SSBP3: variants seen among roughly 807,000 people sequenced by gnomAD.
SSBP3 encodes single-stranded DNA-binding protein 3.
SSBP3 carries 5 observed loss-of-function variants against 69.6 expected under a neutral mutation model. The ratio of observed to expected loss-of-function variants is 0.07; its 90% CI spans 0.04 to 0.15. The LOEUF is 0.15. SSBP3 is among the 10% of genes least tolerant of loss of function. The pLI is 1.00. For missense variants in SSBP3, 312 were observed against 534.0 expected (o/e 0.58, Z 4.10); for synonymous variants, 196 against 193.4 (o/e 1.01, Z -0.11).
At chr1:54,302,828 T>C (rs1292256629) in intron 4 of SSBP3, among the ~76,000 whole-genome samples, 1 of 152,206 alleles carries the variant, frequency 6.6e-6, no homozygotes, top group East Asian at 1.9e-4. Context: ...ATGACTTGTT[T>C]GCAGCTGCAG....
chr1:54,308,629 G>A (rs1205259216), intron 4 of SSBP3, among the ~76,000 whole-genome samples: 1 of 150,724 alleles, frequency 6.6e-6, no homozygotes, highest in Non-Finnish European at 1.5e-5. Flanking sequence ...TTAGCCGGGC[G>A]TGGTGGCGCA....
intron 4 of SSBP3, among the ~76,000 whole-genome samples, chr1:54,302,422 C>G (rs1645819673): frequency 1.3e-5 from 2 of 152,030 alleles, no homozygotes; most frequent in South Asian, 4.2e-4. Context: ...AGTGATTCTC[C>G]TGCCTCAGCC....
Position 54,404,552 on chromosome 1 carries a change from T to G in SSBP3, c.191+24A>C, listed in dbSNP as rs189916150. ...GGGCTCACAACAAAACAAACACACA[T>G]GCAAAACTATCACACAAACTTACCA... is the stretch of plus-strand genomic sequence containing the variant. On this transcript the variant is annotated intron_variant, in intron 3 of 17. Coordinates refer to ENST00000610401, the Ensembl canonical transcript of SSBP3. The G allele has an allele frequency of 2.2e-3, 3,583 of 1,611,902 alleles. 10 individuals carry two copies. Among genetic ancestry groups the G allele is most frequent in the Admixed American group, 3.7e-3 (220 of 59,994 alleles).
At position 54,398,428 on chromosome 1, in the gene SSBP3, A is replaced by G. The variant is rs75403275; in HGVS notation, c.276+3433T>C. On this transcript the variant is annotated intron_variant, in intron 4 of 17. Coordinates refer to ENST00000610401, the Ensembl canonical transcript of SSBP3. ...AAACACAAAATTAGCTACCACATGG[A>G]GAAAAAGGATTGCTTGTTGTTTGAG... Among the ~76,000 whole-genome samples, 32 of 152,316 alleles carry G rather than the reference A, an allele frequency of 2.1e-4. No individual in the cohort carries two copies. The East Asian group carries it at 4.4e-3, about 21-fold the overall frequency.
chr1:54,295,037 A>G (rs901642930), intron 4 of SSBP3, among the ~76,000 whole-genome samples: 3 of 152,140 alleles, frequency 2.0e-5, no homozygotes, highest in Non-Finnish European at 4.4e-5. Context: ...TTGCAATCAG[A>G]GACAAACCAC....
intron 4 of SSBP3, among the ~76,000 whole-genome samples, chr1:54,399,593 C>T (rs780593127): frequency 6.6e-6 from 1 of 152,092 alleles, no homozygotes; most frequent in Non-Finnish European, 1.5e-5. Flanking sequence ...CTCATAAGTC[C>T]TCCAAGAAGG....
intron 9 of SSBP3, among the ~76,000 whole-genome samples, chr1:54,249,501 T>C (rs1644789887): frequency 6.6e-6 from 1 of 151,828 alleles, no homozygotes; most frequent in Non-Finnish European, 1.5e-5. Context: ...TCAAGACCAG[T>C]CTGGGCAACA....
At position 54,311,574 on chromosome 1, in the gene SSBP3, T is replaced by C. The variant is rs1047634034; in HGVS notation, c.277-30047A>G. ...AACCCTGCCTACCTCATGGGGCCCA[T>C]TGAGAGCATGTGAGCCAGCCCCACA... is the stretch of plus-strand genomic sequence containing the variant. On this transcript the variant is annotated intron_variant, in intron 4 of 17. Coordinates refer to ENST00000610401, the Ensembl canonical transcript of SSBP3. 7.2e-5 allele frequency among the ~76,000 whole-genome samples: 11 copies of C among 152,050 alleles called. No individual in the cohort carries two copies. In the South Asian group the frequency reaches 1.9e-3, roughly 26 times the overall value.
intron 4 of SSBP3, among the ~76,000 whole-genome samples, chr1:54,326,921 C>T (rs1040343131): frequency 6.6e-6 from 1 of 151,886 alleles, no homozygotes; most frequent in South Asian, 2.1e-4. Context: ...GTTGGTCCTC[C>T]TGTTTGGTTT....
At chr1:54,362,545 G>A (rs937721075) in intron 4 of SSBP3, among the ~76,000 whole-genome samples, 4 of 152,196 alleles carry the variant, frequency 2.6e-5, no homozygotes, top group Non-Finnish European at 5.9e-5. Flanking sequence ...CCCAGAAGGC[G>A]GAAGCCTCTA....
chr1:54,250,360 G>C lies in SSBP3; in HGVS notation c.651+1256C>G, dbSNP rs547767264. Among the ~76,000 whole-genome samples, 8 of 152,310 alleles carry C rather than the reference G, an allele frequency of 5.3e-5. No homozygotes were observed. The South Asian group carries it at 1.7e-3, about 32-fold the overall frequency. ...AACCACCACAGAGAAGAAAGCGGTGGCTTGGGCTTGCTGTAAATACAATTC... is the reference window on the plus strand; with the variant it reads ...AACCACCACAGAGAAGAAAGCGGTGCCTTGGGCTTGCTGTAAATACAATTC... On this transcript the variant is annotated intron_variant, in intron 9 of 17. Coordinates refer to ENST00000610401, the Ensembl canonical transcript of SSBP3.
In SSBP3 at chr1:54,258,336, G is replaced by A. The variant is rs956816065; in HGVS notation, c.367-187C>T. Among the ~76,000 whole-genome samples the A allele has an allele frequency of 2.0e-5, 3 of 152,216 alleles. No individual in the cohort carries two copies. Among genetic ancestry groups the A allele is most frequent in the Non-Finnish European group, 2.9e-5 (2 of 68,040 alleles). On this transcript the variant is annotated intron_variant, in intron 5 of 17. Coordinates refer to ENST00000610401, the Ensembl canonical transcript of SSBP3. This position sits in a 1 kb window ranked among gnomAD's most constrained non-coding sequence, Gnocchi z 4.5. ...CGCCGGCTCAACGGTGTAAAACGGC[G>A]AGCGGGAGCGAGAGAAGCTGATAAA...
intron 5 of SSBP3, among the ~76,000 whole-genome samples, chr1:54,263,366 T>C (rs1008879599): frequency 7.2e-5 from 11 of 152,202 alleles, no homozygotes; most frequent in African/African-American, 2.7e-4. Context: ...GCCCACATTA[T>C]GCGGGCCTGG....
chr1:54,386,704 T>A (rs1240045515), intron 4 of SSBP3, among the ~76,000 whole-genome samples: 1 of 140,986 alleles, frequency 7.1e-6, no homozygotes, highest in Admixed American at 7.4e-5. Context: ...TTTTTTTTTT[T>A]AAGAGATGGA....
At chr1:54,344,388 C>T (rs55861991) in intron 4 of SSBP3, among the ~76,000 whole-genome samples, 1 of 152,222 alleles carries the variant, frequency 6.6e-6, no homozygotes, top group African/African-American at 2.4e-5. Context: ...ACTTGTGCTT[C>T]TGCCCAAAGT....
chr1:54,396,244 AAAAC>A (rs1466295204), intron 4 of SSBP3, among the ~76,000 whole-genome samples: 7 of 151,014 alleles, frequency 4.6e-5, no homozygotes, highest in African/African-American at 4.9e-5. Flanking sequence ...CAGCGAATCA[AAAAC>A]AAACAGTCAT....
In SSBP3 at chr1:54,227,181, AGG is replaced by A. The variant is rs372535521; in HGVS notation, c.1138-23_1138-22del. On this transcript the variant is annotated intron_variant, in intron 17 of 17. Coordinates refer to ENST00000610401, the Ensembl canonical transcript of SSBP3. The stretch of plus-strand genomic sequence containing the variant: ...GAATACTGGAAAGGAGAAGCAGAGA[AGG>A]GGGGGGGGTGAGGATTGTGGGGAGG... The A allele has an allele frequency of 1.4e-3, 747 of 524,310 alleles. 3 individuals are homozygous for A. The highest frequency in any genetic ancestry group is 1.9e-3 in the South Asian group (85 of 43,746). 32.5% of individuals were successfully genotyped at this position (524,310 alleles called of 1,614,324 possible).
chr1:54,316,826 G>C (rs999061382), intron 4 of SSBP3, among the ~76,000 whole-genome samples: 1 of 152,040 alleles, frequency 6.6e-6, no homozygotes, highest in African/African-American at 2.4e-5. Flanking sequence ...TCCAGAGCTG[G>C]GGAAGTCTGA....
At position 54,257,165 on chromosome 1, in the gene SSBP3, C is replaced by T. The variant is rs201068286; in HGVS notation, c.469G>A (p.Ala157Thr). Residue 157 changes from alanine to threonine, a missense_variant, in exon 7 of 18, where the codon GCA becomes ACA. Ala to Thr is a moderately conservative substitution (Grantham distance 58). This residue lies in a region of SSBP3 where 134 missense variants were observed against 212.1 expected (regional missense o/e 0.63). Coordinates refer to ENST00000610401, the Ensembl canonical transcript of SSBP3. The stretch of plus-strand genomic sequence containing the variant: ...CTGATCGGGGGCCTGGGGCCGCCTG[C>T]GTATCGCGGTGACATAAAAGGCTGC... The T allele has an allele frequency of 3.3e-4, 528 of 1,601,996 alleles. No individual in the cohort carries two copies. Among genetic ancestry groups the T allele is most frequent in the Non-Finnish European group, 3.6e-4 (426 of 1,175,362 alleles).
Sources: gnomAD v4.1 joint callset for allele counts (sites outside exome capture counted in the v4.1 genomes callset) on GRCh38, gnomAD v4.1.1 for gene constraint, gnomAD v4.1.1 regional missense constraint, Gnocchi (gnomAD v3.1) non-coding constraint, MANE v1.5 for transcripts, NCBI Gene and HGNC (gene_info 2026-07-23, HGNC 2026-07-21) for gene names.